Variants in TIAM1 observed in about 807,000 individuals in gnomAD.
TIAM1 encodes rho guanine nucleotide exchange factor TIAM1.
Under a neutral mutation model 163.5 loss-of-function variants are expected in TIAM1, and 65 were observed. That is an observed-to-expected ratio of 0.40 (90% CI 0.33 to 0.49). The LOEUF is 0.49. TIAM1 is among the 20% of genes least tolerant of loss of function. The probability of loss-of-function intolerance (pLI) is 0.77; values close to 1 mark genes in which losing one functional copy is unlikely to be tolerated. For synonymous variants in TIAM1, 833 were observed against 810.1 expected (o/e 1.03, Z -0.48); for missense variants, 1,789 against 2,044.7 (o/e 0.87, Z 2.41).
chr21:31,436,333 C>T (rs187756994), intron 2 of TIAM1, among the ~76,000 whole-genome samples: 1 of 152,200 alleles, frequency 6.6e-6, no homozygotes, highest in Non-Finnish European at 1.5e-5. Flanking sequence ...AAGATAAATT[C>T]ATTTATCTAA....
chr21:31,508,538 G>A (rs1426641569), intron 1 of TIAM1, among the ~76,000 whole-genome samples: 2 of 152,108 alleles, frequency 1.3e-5, no homozygotes, highest in South Asian at 4.2e-4. Context: ...ACAGGCATAA[G>A]CCACCACCAC....
chr21:31,511,358 A>G (rs1382734587), intron 1 of TIAM1, among the ~76,000 whole-genome samples: 1 of 152,212 alleles, frequency 6.6e-6, no homozygotes. Flanking sequence ...TCAATAATTG[A>G]CTTGCAATAC....
Position 31,529,209 on chromosome 21 carries a change from G to A in TIAM1, c.-422+29718C>T, listed in dbSNP as rs144011690. On this transcript the variant is annotated intron_variant, in intron 1 of 28. Coordinates refer to the TIAM1 transcript ENST00000286827. ...GCTGGGATTACAGGTGTGAGCCACCGCGCCCAGCCGAAATGTCTTTTTATT... is the reference window on the plus strand; with the variant it reads ...GCTGGGATTACAGGTGTGAGCCACCACGCCCAGCCGAAATGTCTTTTTATT... Among the ~76,000 whole-genome samples, 1,263 of 151,858 alleles carry A rather than the reference G, an allele frequency of 8.3e-3. 20 individuals carry two copies. The highest frequency in any genetic ancestry group is 0.028 in the African/African-American group (1,143 of 41,418).
chr21:31,512,347 G>A (rs748494760), intron 1 of TIAM1, among the ~76,000 whole-genome samples: 1 of 151,826 alleles, frequency 6.6e-6, no homozygotes, highest in South Asian at 2.1e-4. Context: ...TCATCCACCC[G>A]CCTCGGCCTC....
chr21:31,498,659 G>A (rs1402089029), intron 1 of TIAM1, among the ~76,000 whole-genome samples: 1 of 152,168 alleles, frequency 6.6e-6, no homozygotes, highest in East Asian at 1.9e-4. Context: ...AGAAAACAGG[G>A]TCCTGGCCAG....
chr21:31,260,804 G>A (rs2072426794), intron 4 of TIAM1, among the ~76,000 whole-genome samples: 1 of 151,904 alleles, frequency 6.6e-6, no homozygotes, highest in African/African-American at 2.4e-5. Flanking sequence ...AAAAACCTGA[G>A]GTTCTTAACC....
At chr21:31,269,797 G>A (rs1174716194) in intron 3 of TIAM1, among the ~76,000 whole-genome samples, 2 of 149,938 alleles carry the variant, frequency 1.3e-5, no homozygotes, top group Non-Finnish European at 3.0e-5. Context: ...TCAGCCTCCC[G>A]AGTAGCTGGG....
chr21:31,382,248 G>A (rs190493403), intron 2 of TIAM1, among the ~76,000 whole-genome samples: 79 of 152,276 alleles, frequency 5.2e-4, no homozygotes, highest in Admixed American at 1.2e-3. Flanking sequence ...GCTTATCAGC[G>A]CACTGTATAT....
chr21:31,541,557 A>G (rs1014431538), intron 1 of TIAM1, among the ~76,000 whole-genome samples: 2 of 152,238 alleles, frequency 1.3e-5, no homozygotes, highest in Admixed American at 6.5e-5. Flanking sequence ...GAGAATAGTT[A>G]AGTAAATTAT....
At chr21:31,239,128 T>C (rs537171133) in intron 6 of TIAM1, among the ~76,000 whole-genome samples, 7 of 146,356 alleles carry the variant, frequency 4.8e-5, no homozygotes, top group African/African-American at 1.8e-4. Flanking sequence ...GAAAAACAAT[T>C]TTTTTTTTTT....
chr21:31,493,962 T>G (rs939412952), intron 1 of TIAM1, among the ~76,000 whole-genome samples: 5 of 152,178 alleles, frequency 3.3e-5, no homozygotes, highest in Non-Finnish European at 7.4e-5. Context: ...TCACCCGGGC[T>G]GGAGTACAGT....
intron 2 of TIAM1, among the ~76,000 whole-genome samples, chr21:31,378,798 C>T (rs189993039): frequency 1.7e-3 from 260 of 152,268 alleles, no homozygotes; most frequent in Non-Finnish European, 2.4e-3. Flanking sequence ...TGCATCCGTA[C>T]TGCATATGTA....
intron 1 of TIAM1, among the ~76,000 whole-genome samples, chr21:31,509,229 A>G (rs753181789): frequency 7.2e-5 from 11 of 152,086 alleles, no homozygotes; most frequent in African/African-American, 2.7e-4. Flanking sequence ...CCCCAGGGAG[A>G]CTCACCCATT....
chr21:31,125,509 A>G (rs2082163661), intron 26 of TIAM1, among the ~76,000 whole-genome samples: 1 of 152,220 alleles, frequency 6.6e-6, no homozygotes, highest in African/African-American at 2.4e-5. Context: ...TCTGTCACCC[A>G]ACACAGAGAG....
chr21:31,321,972 G>C (rs1374791273), intron 2 of TIAM1, among the ~76,000 whole-genome samples: 1 of 152,058 alleles, frequency 6.6e-6, no homozygotes, highest in Non-Finnish European at 1.5e-5. Context: ...AGAATCACTT[G>C]AACTTGGGAG....
chr21:31,249,601 G>C (rs1452396287), intron 5 of TIAM1, among the ~76,000 whole-genome samples: 1 of 152,150 alleles, frequency 6.6e-6, no homozygotes, highest in Non-Finnish European at 1.5e-5. Flanking sequence ...AGGATAAGAG[G>C]CTGCAGCGTC....
chr21:31,373,258 C>T (rs1290528560), intron 2 of TIAM1, among the ~76,000 whole-genome samples: 2 of 152,136 alleles, frequency 1.3e-5, no homozygotes, highest in African/African-American at 4.8e-5. Flanking sequence ...CCACTGCACT[C>T]CAGCTTGGGA....
At chr21:31,227,969 C>G (rs1264722064) in intron 6 of TIAM1, among the ~76,000 whole-genome samples, 1 of 151,952 alleles carries the variant, frequency 6.6e-6, no homozygotes, top group Non-Finnish European at 1.5e-5. Flanking sequence ...GTGGCGCGAT[C>G]TCAGTTCACT....
intron 6 of TIAM1, among the ~76,000 whole-genome samples, chr21:31,242,891 A>T (rs1297816449): frequency 6.6e-6 from 1 of 150,512 alleles, no homozygotes; most frequent in African/African-American, 2.4e-5. Flanking sequence ...AAAAAAGAAA[A>T]GAAAAGAAAA....
Sources: allele counts gnomAD v4.1 joint callset (sites outside exome capture counted in the v4.1 genomes callset), GRCh38; gene constraint gnomAD v4.1.1; transcripts MANE v1.5; gene names NCBI Gene and HGNC (gene_info 2026-07-23, HGNC 2026-07-21).